The following PAM variants were observed in gnomAD, a reference collection of about 807,000 sequenced individuals.
PAM encodes the protein peptidyl-glycine alpha-amidating monooxygenase.
PAM carries 72 observed loss-of-function variants against 122.1 expected under a neutral mutation model. That is an observed-to-expected ratio of 0.59 (90% CI 0.49 to 0.72). PAM has a LOEUF of 0.72. Among genes scored for constraint, PAM ranks in the 30% least tolerant of loss-of-function variants. The probability of loss-of-function intolerance (pLI) is 0.00; values close to 1 mark genes in which losing one functional copy is unlikely to be tolerated. For synonymous variants in PAM, 389 were observed against 404.4 expected, an observed-to-expected ratio of 0.96 and a Z score of 0.46; for missense variants, 1,106 against 1,183.7, an observed-to-expected ratio of 0.93 and a Z score of 0.96.
chr5:103,014,107 G>A (rs1289720218), intron 21 of PAM, among the ~76,000 whole-genome samples: 2 of 152,146 alleles, frequency 1.3e-5, no homozygotes, highest in African/African-American at 4.8e-5. Context: ...GAAGTGAGAT[G>A]CTTAACTTTC....
At chr5:102,919,867 G>C (rs1746773966) in intron 5 of PAM, among the ~76,000 whole-genome samples, 1 of 152,014 alleles carries the variant, frequency 6.6e-6, no homozygotes, top group Admixed American at 6.6e-5. Context: ...GGTGTTAATA[G>C]GAGTTCCTTA....
At chr5:102,985,398 A>G (rs1771467744) in intron 15 of PAM, among the ~76,000 whole-genome samples, 2 of 152,150 alleles carry the variant, frequency 1.3e-5, no homozygotes, top group African/African-American at 4.8e-5. Context: ...CAAATACCAC[A>G]GAAATATAAA....
chr5:102,776,697 G>A (rs374744409), intron 1 of PAM, among the ~76,000 whole-genome samples: 2 of 152,072 alleles, frequency 1.3e-5, no homozygotes. Flanking sequence ...ATTTTTAAAT[G>A]TACAGGTCAG....
At chr5:102,935,904 A>G (rs141832549) in intron 7 of PAM, among the ~76,000 whole-genome samples, 40 of 152,258 alleles carry the variant, frequency 2.6e-4, no homozygotes, top group Non-Finnish European at 1.2e-4. Context: ...GGCCTACTGA[A>G]TCAGATGCAC....
Position 102,990,301 on chromosome 5 carries a change from C to T in PAM, c.1513C>T (p.Pro505Ser), listed in dbSNP as rs1773643749. ...CCACATGGAAGAGGCACTGGATTGGCCTGGAGTATACTTGTTACCAGGCCA... is the reference window on the plus strand; with the variant it reads ...CCACATGGAAGAGGCACTGGATTGGTCTGGAGTATACTTGTTACCAGGCCA... ...DFHMEEALDW[P>S]GVYLLPGQVS... The change falls in exon 16 of 26, where the codon CCT (proline) becomes TCT (serine). Residue 505 changes from proline to serine, a missense_variant. Pro to Ser is a moderately conservative substitution (Grantham distance 74). Around this residue, in one of 3 missense-constraint regions of PAM, gnomAD observed 670 missense variants for 690.3 expected, o/e 0.97. Coordinates refer to ENST00000438793, the MANE Select transcript of PAM (RefSeq NM_001177306.2). 1.9e-6 allele frequency: 3 copies of T among 1,599,250 alleles called. No individual in the cohort carries two copies. The Admixed American group carries it at 5.1e-5, about 27-fold the overall frequency.
chr5:102,879,155 C>T (rs920690952), intron 3 of PAM, among the ~76,000 whole-genome samples: 3 of 152,144 alleles, frequency 2.0e-5, no homozygotes, highest in Admixed American at 6.5e-5. Flanking sequence ...TGGTCTCGAT[C>T]TCCTGACCTC....
At chr5:102,819,941 G>A (rs763591228) in intron 1 of PAM, among the ~76,000 whole-genome samples, 2 of 152,154 alleles carry the variant, frequency 1.3e-5, no homozygotes, top group African/African-American at 4.8e-5. Flanking sequence ...GAGGGTGGTC[G>A]CAGTAGAATT....
chr5:102,938,558 A>C (rs1413080175), intron 7 of PAM, among the ~76,000 whole-genome samples: 1 of 152,060 alleles, frequency 6.6e-6, no homozygotes, highest in African/African-American at 2.4e-5. Flanking sequence ...TAGTTCTTCT[A>C]GTTTTTTTGA....
chr5:102,820,875 C>T (rs563021901), intron 1 of PAM, among the ~76,000 whole-genome samples: 1 of 151,960 alleles, frequency 6.6e-6, no homozygotes. Context: ...TCTGAAGAAC[C>T]CTGGAATACA....
intron 14 of PAM, among the ~76,000 whole-genome samples, chr5:102,969,694 C>T (rs6884577): frequency 0.027 from 4,174 of 152,084 alleles, 203 homozygotes; most frequent in African/African-American, 0.096. Context: ...TAAAATATGG[C>T]GAGAAGATTA....
intron 7 of PAM, among the ~76,000 whole-genome samples, chr5:102,927,706 C>T (rs1157721232): frequency 6.6e-6 from 1 of 150,898 alleles, no homozygotes; most frequent in East Asian, 1.9e-4. Context: ...GATTTTATGT[C>T]ATTGAAAATG....
intron 1 of PAM, among the ~76,000 whole-genome samples, chr5:102,806,104 G>T (rs1048158557): frequency 1.3e-5 from 2 of 152,132 alleles, no homozygotes; most frequent in Non-Finnish European, 2.9e-5. Context: ...CTTTATGATT[G>T]TTACATCTCT....
chr5:102,843,206 G>T (rs897739612), intron 1 of PAM, among the ~76,000 whole-genome samples: 2 of 152,178 alleles, frequency 1.3e-5, no homozygotes, highest in Admixed American at 1.3e-4. Context: ...TGGAATTGTG[G>T]TTTCTCACAT....
chr5:102,940,434 A>G (rs1410864435), intron 7 of PAM, among the ~76,000 whole-genome samples: 1 of 149,108 alleles, frequency 6.7e-6, no homozygotes, highest in Non-Finnish European at 1.5e-5. Flanking sequence ...AAGTGTATAT[A>G]TATATATAAT....
chr5:102,961,304 C>T, intron 14 of PAM, 75 bp downstream of exon 14: 1 of 795,324 alleles, frequency 1.3e-6, no homozygotes, highest in Admixed American at 1.8e-5. Flanking sequence ...TGTAAAGTTA[C>T]TGAGATATTG....
intron 1 of PAM, among the ~76,000 whole-genome samples, chr5:102,778,910 C>T (rs1757876021): frequency 1.3e-5 from 2 of 152,142 alleles, no homozygotes; most frequent in East Asian, 3.9e-4. Context: ...TCAGGCAGTC[C>T]TTAATTCTCA....
At chr5:102,926,205 CT>C (rs1371465450) in intron 6 of PAM, among the ~76,000 whole-genome samples, 2 of 152,166 alleles carry the variant, frequency 1.3e-5, no homozygotes, top group Admixed American at 1.3e-4. Context: ...CGCCATTCTC[CT>C]GCCTCAGCCT....
chr5:102,924,094 C>G (rs1326120418), intron 5 of PAM, among the ~76,000 whole-genome samples: 5 of 152,008 alleles, frequency 3.3e-5, no homozygotes, highest in Admixed American at 3.3e-4. Flanking sequence ...TAATGCATTC[C>G]AGTATTCATA....
intron 1 of PAM, among the ~76,000 whole-genome samples, chr5:102,839,662 A>G (rs1778061820): frequency 6.6e-6 from 1 of 152,202 alleles, no homozygotes; most frequent in Non-Finnish European, 1.5e-5. Context: ...TGAAAACTAA[A>G]TCGAGCTATG....
Sources: allele counts gnomAD v4.1 joint callset (sites outside exome capture counted in the v4.1 genomes callset), GRCh38; gene constraint gnomAD v4.1.1; regional missense constraint gnomAD v4.1.1; transcripts MANE v1.5; gene names NCBI Gene and HGNC (gene_info 2026-07-23, HGNC 2026-07-21).